NPSR1: variants seen among roughly 807,000 people sequenced by gnomAD.
The protein encoded by NPSR1 is neuropeptide S receptor.
In NPSR1, 48 loss-of-function variants were observed where a neutral mutation model predicts 46.9. That is an observed-to-expected ratio of 1.02 (90% confidence interval 0.81 to 1.30). The LOEUF (loss-of-function observed/expected upper bound fraction) is 1.30, where lower values mean the gene tolerates loss of function less well. NPSR1 is among the 50% of genes most tolerant of loss of function. NPSR1 has a pLI of 0.00. For synonymous variants in NPSR1, 176 were observed against 168.1 expected, an observed-to-expected ratio of 1.05 and a Z score of -0.36; for missense variants, 450 against 449.5, an observed-to-expected ratio of 1.00 and a Z score of -0.01.
chr7:34,779,784 T>C (rs185187877), intron 3 of NPSR1: 4 of 271,882 alleles, frequency 1.5e-5, no homozygotes, highest in African/African-American at 8.8e-5. Context: ...CAATTGCTGA[T>C]ACACAAATTA....
At chr7:34,720,240 A>G (rs1460573197) in intron 2 of NPSR1, among the ~76,000 whole-genome samples, 3 of 151,408 alleles carry the variant, frequency 2.0e-5, no homozygotes, top group South Asian at 2.1e-4. Context: ...AGATTGCACA[A>G]CTACACTCCC....
intron 4 of NPSR1, among the ~76,000 whole-genome samples, chr7:34,812,326 G>GA (rs35800376): frequency 4.0e-5 from 6 of 150,932 alleles, no homozygotes; most frequent in South Asian, 2.1e-4. Context: ...ATCGTATTGG[G>GA]AAAAAAAAAT....
At chr7:34,802,973 C>T (rs1198439547) in intron 3 of NPSR1, among the ~76,000 whole-genome samples, 2 of 150,488 alleles carry the variant, frequency 1.3e-5, no homozygotes, top group South Asian at 4.2e-4. Flanking sequence ...AAAATGCTCA[C>T]CACCACTGGC....
chr7:34,658,645 C>A, intron 1 of NPSR1, 86 bp downstream of exon 1: 1 of 1,289,706 alleles, frequency 7.8e-7, no homozygotes, highest in South Asian at 1.4e-5. Context: ...GTATCATAGC[C>A]AGTATTGTGA....
intron 8 of NPSR1, among the ~76,000 whole-genome samples, chr7:34,877,767 G>T (rs1295843769): frequency 6.6e-6 from 1 of 152,158 alleles, no homozygotes; most frequent in Non-Finnish European, 1.5e-5. Flanking sequence ...TTTGAGTCAG[G>T]TGCTCAAAGA....
chr7:34,783,002 A>C (rs1404049365), intron 3 of NPSR1, among the ~76,000 whole-genome samples: 2 of 152,152 alleles, frequency 1.3e-5, no homozygotes, highest in Non-Finnish European at 2.9e-5. Context: ...TAAATGCACT[A>C]GACAGCATCC....
At chr7:34,867,439 C>T (rs558713212) in intron 8 of NPSR1, among the ~76,000 whole-genome samples, 12 of 151,916 alleles carry the variant, frequency 7.9e-5, no homozygotes, top group African/African-American at 2.9e-4. Context: ...TATTTGGAGC[C>T]CAGAAGCCAG....
In NPSR1 at chr7:34,778,497, A is replaced by G; in HGVS notation, c.316A>G (p.Ile106Val). 1.2e-6 allele frequency: 2 copies of G among 1,611,816 alleles called. No homozygotes were observed. The highest frequency in any genetic ancestry group is 4.5e-5 in the East Asian group (2 of 44,814). ...AGGACTGGTCAACATCTTGACAGAT[A>G]TTAATTGGCGATTCACTGGAGACTT... ...FTGLVNILTD[I>V]NWRFTGDFTA... is the part of the protein sequence containing the mutation. Residue 106 changes from isoleucine (I) to valine (V), a missense_variant, in exon 3 of 9, where the codon ATT (isoleucine) becomes GTT (valine). Coordinates refer to ENST00000360581, the MANE Select transcript of NPSR1 (RefSeq NM_207172.2).
intron 1 of NPSR1, among the ~76,000 whole-genome samples, chr7:34,678,353 C>T (rs539064716): frequency 1.3e-5 from 2 of 151,328 alleles, no homozygotes; most frequent in South Asian, 4.2e-4. Context: ...TCCCGAGTAG[C>T]TGGGACTACA....
chr7:34,672,459 A>C (rs940279147), intron 1 of NPSR1, among the ~76,000 whole-genome samples: 3 of 152,224 alleles, frequency 2.0e-5, no homozygotes, highest in African/African-American at 7.2e-5. Flanking sequence ...ACTGAATTCG[A>C]AAGTAACGCA....
rs112038282 is a variant in NPSR1, at chr7:34,834,471, A to G, written c.757+11A>G. On this transcript the variant is annotated intron_variant, in intron 6 of 8. Transcript: ENST00000360581. The stretch of plus-strand genomic sequence containing the variant: ...TTTCCAACTGCTCAGGTAAGTCTCT[A>G]CTCTGCATGGCCCAATTCTTGGCTA... 1.1e-4 allele frequency: 172 copies of G among 1,588,658 alleles called. No homozygotes were observed. In the African/African-American group the frequency reaches 2.1e-3, roughly 19 times the overall value.
chr7:34,743,939 T>C (rs1262916496), intron 2 of NPSR1, among the ~76,000 whole-genome samples: 1 of 152,178 alleles, frequency 6.6e-6, no homozygotes, highest in African/African-American at 2.4e-5. Context: ...CTATGTACCC[T>C]TGAATACATG....
intron 2 of NPSR1, among the ~76,000 whole-genome samples, chr7:34,704,741 G>C (rs571909415): frequency 2.9e-4 from 44 of 152,192 alleles, no homozygotes; most frequent in Non-Finnish European, 5.3e-4. Context: ...CCTGATTGGA[G>C]GCTGCTGGCC....
chr7:34,832,203 C>T (rs1790152950), intron 5 of NPSR1, among the ~76,000 whole-genome samples: 1 of 152,152 alleles, frequency 6.6e-6, no homozygotes, highest in Non-Finnish European at 1.5e-5. Flanking sequence ...ATCCACAAAA[C>T]TTATCTGCAA....
At chr7:34,782,812 C>T (rs559880313) in intron 3 of NPSR1, among the ~76,000 whole-genome samples, 1 of 152,204 alleles carries the variant, frequency 6.6e-6, no homozygotes, top group East Asian at 1.9e-4. Flanking sequence ...ATATGCAATG[C>T]TTGACCAAAA....
At chr7:34,821,384 C>T (rs1248503843) in intron 4 of NPSR1, among the ~76,000 whole-genome samples, 2 of 152,070 alleles carry the variant, frequency 1.3e-5, no homozygotes, top group Admixed American at 1.3e-4. Context: ...CCTTGGCCTT[C>T]CAAAGTGCTG....
chr7:34,838,701 T>A (rs1442631398), intron 6 of NPSR1, among the ~76,000 whole-genome samples: 2 of 152,176 alleles, frequency 1.3e-5, no homozygotes. Flanking sequence ...AGTCAAAGGC[T>A]GACAGAAAGG....
intron 3 of NPSR1, among the ~76,000 whole-genome samples, chr7:34,792,717 A>ATATATATATACGTATATATATATATT (rs1787982746): frequency 9.5e-6 from 1 of 105,036 alleles, no homozygotes; most frequent in African/African-American, 3.2e-5. Flanking sequence ...ATATATATTT[A>ATATATATATACGTATATATATATATT]TATATATATA....
intron 2 of NPSR1, among the ~76,000 whole-genome samples, chr7:34,752,608 C>T (rs1338351519): frequency 6.6e-6 from 1 of 152,046 alleles, no homozygotes; most frequent in Non-Finnish European, 1.5e-5. Flanking sequence ...TGGCCTGCCA[C>T]AATTATGAGT....
Sources: allele counts gnomAD v4.1 joint callset (sites outside exome capture counted in the v4.1 genomes callset), GRCh38; gene constraint gnomAD v4.1.1; transcripts MANE v1.5; gene names NCBI Gene and HGNC (gene_info 2026-07-23, HGNC 2026-07-21).